The following RYR2 variants were observed in gnomAD, a reference collection of about 807,000 sequenced individuals.
The protein encoded by RYR2 is ryanodine receptor 2, also known as cardiac muscle ryanodine receptor-calcium release channel.
RYR2 carries 227 observed loss-of-function variants against 601.1 expected under a neutral mutation model. The ratio of observed to expected loss-of-function variants is 0.38; its 90% CI spans 0.34 to 0.42. RYR2 has a LOEUF of 0.42. Ranked by LOEUF, RYR2 falls within the 10% of genes least tolerant of loss-of-function variation. RYR2 has a pLI of 1.00. For synonymous variants in RYR2, 2,223 were observed against 2,175.1 expected, an observed-to-expected ratio of 1.02 and a Z score of -0.61; for missense variants, 4,646 against 6,156.5, an observed-to-expected ratio of 0.75 and a Z score of 8.21.
chr1:237,832,996 CACT>C lies in RYR2; in HGVS notation c.*350_*352del. Reference sequence around the variant, plus strand: ...CCTTCACAGAGACACGTGGCAGCCACACTCACCCAGCCTCTTTATTTCACCATC... The same window carrying C: ...CCTTCACAGAGACACGTGGCAGCCACCACCCAGCCTCTTTATTTCACCATC... On this transcript the variant is annotated 3_prime_UTR_variant, in exon 105 of 105. Coordinates refer to ENST00000366574, the MANE Select transcript of RYR2 (RefSeq NM_001035.3). The C allele has an allele frequency of 2.8e-5, 5 of 179,166 alleles. No homozygotes were observed. The highest frequency in any genetic ancestry group is 2.8e-4 in the South Asian group (2 of 7,078). 11.1% of individuals were successfully genotyped at this position (179,166 alleles called of 1,614,324 possible). A position where few individuals can be genotyped will look rare whatever the true frequency, so the allele number is the denominator to read the frequency against.
At chr1:237,417,461 G>A (rs1705129441) in intron 11 of RYR2, among the ~76,000 whole-genome samples, 1 of 152,162 alleles carries the variant, frequency 6.6e-6, no homozygotes, top group Non-Finnish European at 1.5e-5. Context: ...TGTAAGATTT[G>A]GAGACACGAC....
chr1:237,109,592 G>A (rs552182414), intron 1 of RYR2, among the ~76,000 whole-genome samples: 1 of 152,292 alleles, frequency 6.6e-6, no homozygotes, highest in South Asian at 2.1e-4. Context: ...CAGCCTGTGG[G>A]TGGTGCATGG....
intron 1 of RYR2, among the ~76,000 whole-genome samples, chr1:237,083,934 C>T (rs965783658): frequency 4.6e-5 from 7 of 152,224 alleles, no homozygotes; most frequent in Non-Finnish European, 8.8e-5. Flanking sequence ...AGATCAGCCA[C>T]ATTTCAGGTG....
At chr1:237,420,707 C>A (rs1293383361) in intron 11 of RYR2, among the ~76,000 whole-genome samples, 1 of 152,084 alleles carries the variant, frequency 6.6e-6, no homozygotes, top group Non-Finnish European at 1.5e-5. Flanking sequence ...CATATGAGTT[C>A]TATTGAATAG....
chr1:237,555,341 T>A (rs966794977), intron 27 of RYR2, among the ~76,000 whole-genome samples: 2 of 152,110 alleles, frequency 1.3e-5, no homozygotes, highest in African/African-American at 2.4e-5. Flanking sequence ...TCCCTCTAAC[T>A]TTATAATTCT....
intron 1 of RYR2, among the ~76,000 whole-genome samples, chr1:237,054,562 T>A (rs1661736667): frequency 6.6e-6 from 1 of 152,126 alleles, no homozygotes; most frequent in Non-Finnish European, 1.5e-5. Context: ...AATGCAGTTG[T>A]AGATACCGAG....
chr1:237,070,502 C>T (rs1664188034), intron 1 of RYR2, among the ~76,000 whole-genome samples: 1 of 152,150 alleles, frequency 6.6e-6, no homozygotes, highest in Non-Finnish European at 1.5e-5. Context: ...TCACAGGATC[C>T]TTAGGGTGTT....
Position 237,639,062 on chromosome 1 carries a change from CGGA to C in RYR2, c.6979_6981del (p.Arg2327del). On this transcript the variant is annotated inframe_deletion, in exon 46 of 105. Coordinates refer to ENST00000366574, the MANE Select transcript of RYR2 (RefSeq NM_001035.3). ...AAATGTCGTGGTGAGATTGCTCATT[CGGA>C]GGCCTGAGTGTTTTGGTCCTGCTTT... The C allele has an allele frequency of 6.2e-7, 1 of 1,613,762 alleles. No individual in the cohort carries two copies. Among genetic ancestry groups the C allele is most frequent in the Non-Finnish European group, 8.5e-7 (1 of 1,179,828 alleles).
chr1:237,206,606 A>C (rs2149071632), intron 1 of RYR2, among the ~76,000 whole-genome samples: 1 of 152,344 alleles, frequency 6.6e-6, no homozygotes, highest in East Asian at 1.9e-4. Context: ...GCATTGTGTC[A>C]TACTATTATA....
intron 1 of RYR2, among the ~76,000 whole-genome samples, chr1:237,220,962 G>C (rs1572250388): frequency 6.6e-6 from 1 of 152,090 alleles, no homozygotes; most frequent in African/African-American, 2.4e-5. Context: ...TGGGCGTGGT[G>C]GTGGGTGCCC....
intron 17 of RYR2, 76 bp downstream of exon 17, chr1:237,469,263 A>C: frequency 1.4e-6 from 1 of 699,792 alleles, no homozygotes; most frequent in Non-Finnish European, 2.1e-6. Context: ...TAAGACAAAA[A>C]AAAAAAAAAA....
chr1:237,348,194 C>T (rs1264907501), intron 3 of RYR2, among the ~76,000 whole-genome samples: 2 of 152,130 alleles, frequency 1.3e-5, no homozygotes, highest in African/African-American at 2.4e-5. Context: ...TCTCATTGTC[C>T]AGGCTGGATT....
chr1:237,119,445 T>C (rs1199087322), intron 1 of RYR2, among the ~76,000 whole-genome samples: 1 of 152,186 alleles, frequency 6.6e-6, no homozygotes, highest in Non-Finnish European at 1.5e-5. Context: ...TGTGTGTGCG[T>C]ATGCTCTCAT....
intron 2 of RYR2, among the ~76,000 whole-genome samples, chr1:237,271,271 A>G (rs1689660598): frequency 1.3e-5 from 2 of 152,184 alleles, no homozygotes; most frequent in Admixed American, 6.5e-5. Flanking sequence ...AGAATTTTAA[A>G]ATCAAAGGCA....
chr1:237,410,506 A>C (rs55813028), intron 10 of RYR2, among the ~76,000 whole-genome samples: 6,310 of 152,284 alleles, frequency 0.041, 211 homozygotes, highest in Non-Finnish European at 0.068. Context: ...TCAAGGCAGT[A>C]GGTCAAATCC....
intron 29 of RYR2, among the ~76,000 whole-genome samples, chr1:237,572,308 T>C (rs568507103): frequency 1.3e-5 from 2 of 152,318 alleles, no homozygotes; most frequent in East Asian, 3.9e-4. Context: ...TGTGCTTCCT[T>C]TCTTTGGATG....
At chr1:237,787,656 C>A (rs1657797026) in intron 91 of RYR2, among the ~76,000 whole-genome samples, 1 of 147,768 alleles carries the variant, frequency 6.8e-6, no homozygotes, top group Non-Finnish European at 1.5e-5. Flanking sequence ...GTATGTGGGA[C>A]AGTCATAGCA....
chr1:237,557,403 G>A (rs893400167), intron 27 of RYR2, among the ~76,000 whole-genome samples: 11 of 152,256 alleles, frequency 7.2e-5, no homozygotes, highest in African/African-American at 2.2e-4. Flanking sequence ...TAAGTCAATC[G>A]GGTTCATGCA....
intron 56 of RYR2, among the ~76,000 whole-genome samples, chr1:237,665,802 T>C (rs1280205136): frequency 3.3e-5 from 5 of 152,196 alleles, no homozygotes; most frequent in African/African-American, 9.6e-5. Context: ...AGTTTGCTTT[T>C]TGGGCATTTT....
Sources: gnomAD v4.1 joint callset for allele counts (sites outside exome capture counted in the v4.1 genomes callset) on GRCh38, gnomAD v4.1.1 for gene constraint, MANE v1.5 for transcripts, NCBI Gene and HGNC (gene_info 2026-07-23, HGNC 2026-07-21) for gene names.